RYR3: variants seen among roughly 807,000 people sequenced by gnomAD.
RYR3 encodes ryanodine receptor 3.
In RYR3, 207 loss-of-function variants were observed where a neutral mutation model predicts 584.3. The ratio of observed to expected loss-of-function variants is 0.35; its 90% confidence interval spans 0.32 to 0.40. The LOEUF (loss-of-function observed/expected upper bound fraction) is 0.40. RYR3 is among the 10% of genes least tolerant of loss of function. The pLI, the probability that RYR3 is intolerant of heterozygous loss-of-function variation, is 1.00. For missense variants in RYR3, 5,616 were observed against 6,089.2 expected, an observed-to-expected ratio of 0.92 and a Z score of 2.59; for synonymous variants, 2,416 against 2,248.5, an observed-to-expected ratio of 1.07 and a Z score of -2.11.
intron 1 of RYR3, among the ~76,000 whole-genome samples, chr15:33,455,863 A>G (rs1460847555): frequency 6.6e-6 from 1 of 152,216 alleles, no homozygotes; most frequent in African/African-American, 2.4e-5. Context: ...GGCAGGCTTA[A>G]GTGTATATGC....
intron 1 of RYR3, among the ~76,000 whole-genome samples, chr15:33,332,865 G>A (rs1406562828): frequency 6.6e-6 from 1 of 152,024 alleles, no homozygotes; most frequent in East Asian, 1.9e-4. Context: ...TTCTGTAGCA[G>A]AACAGATAAT....
At chr15:33,382,483 C>T (rs149918272) in intron 1 of RYR3, among the ~76,000 whole-genome samples, 171 of 151,912 alleles carry the variant, frequency 1.1e-3, no homozygotes, top group Middle Eastern at 3.4e-3. Context: ...GCCACCAGCC[C>T]GGCTAATTTT....
At chr15:33,453,438 A>G (rs1405526674) in intron 1 of RYR3, among the ~76,000 whole-genome samples, 1 of 152,164 alleles carries the variant, frequency 6.6e-6, no homozygotes, top group African/African-American at 2.4e-5. Flanking sequence ...AAAGGAAACA[A>G]CATTTGCTTC....
At chr15:33,676,532 G>C (rs2152732919) in intron 38 of RYR3, among the ~76,000 whole-genome samples, 1 of 152,330 alleles carries the variant, frequency 6.6e-6, no homozygotes, top group African/African-American at 2.4e-5. Context: ...AGGCATTAAA[G>C]AGAGCATTAT....
rs554604108 is a variant in RYR3, at chr15:33,696,559, T to C, written c.6134+68T>C. ...AAGTGGGAAAACTGACTTACCTTGA[T>C]ATAGAGATATAGTGGAATCAAATCA... On this transcript the variant is annotated intron_variant, in intron 39 of 103. Transcript: ENST00000634891. 16 of 1,441,658 alleles carry C rather than the reference T, an allele frequency of 1.1e-5. No individual in the cohort carries two copies. The East Asian group carries it at 3.6e-4, about 33-fold the overall frequency. The allele number at this position is 1,441,658 out of a possible 1,614,324, so 89.3% of individuals were successfully genotyped here. A position where few individuals can be genotyped will look rare whatever the true frequency, so the allele number is the denominator to read the frequency against.
intron 1 of RYR3, chr15:33,465,747 G>GT: frequency 1.9e-6 from 1 of 519,046 alleles, no homozygotes; most frequent in Non-Finnish European, 3.8e-6. Context: ...TGAGCTAGGT[G>GT]GTGGTGGTGA....
At chr15:33,653,540 C>T (rs1047619224) in intron 32 of RYR3, among the ~76,000 whole-genome samples, 38 of 151,936 alleles carry the variant, frequency 2.5e-4, no homozygotes, top group African/African-American at 8.0e-4. Flanking sequence ...CGTGGTGGCC[C>T]GCGCCTATAG....
intron 9 of RYR3, among the ~76,000 whole-genome samples, chr15:33,549,340 T>G (rs549054633): frequency 7.9e-5 from 12 of 152,376 alleles, no homozygotes; most frequent in African/African-American, 2.9e-4. Context: ...AAGCCTTTTA[T>G]CAATGCGATT....
chr15:33,331,217 T>A (rs768456683), intron 1 of RYR3, among the ~76,000 whole-genome samples: 1 of 152,196 alleles, frequency 6.6e-6, no homozygotes, highest in East Asian at 1.9e-4. Context: ...GAAAGAGTAA[T>A]CTTTTAAAAC....
intron 80 of RYR3, among the ~76,000 whole-genome samples, chr15:33,822,550 T>A (rs1011047134): frequency 6.6e-6 from 1 of 152,244 alleles, no homozygotes; most frequent in Non-Finnish European, 1.5e-5. Context: ...GTTTATTTTT[T>A]AAAAAACAAA....
At chr15:33,370,099 C>G (rs1258752126) in intron 1 of RYR3, among the ~76,000 whole-genome samples, 3 of 152,092 alleles carry the variant, frequency 2.0e-5, no homozygotes, top group Non-Finnish European at 4.4e-5. Context: ...CATCTTTTTC[C>G]CCCTGTAGGA....
In RYR3 at chr15:33,522,905, T is replaced by C. The variant is rs558397165; in HGVS notation, c.280-7687T>C. ...CAAAATCCTTCATTAACTATTAATA[T>C]CATTAAAGAAGAAAAAAATATCCGT... On this transcript the variant is annotated intron_variant, in intron 3 of 103. Transcript: ENST00000634891. Among the ~76,000 whole-genome samples, 4 of 152,230 alleles carry C rather than the reference T, an allele frequency of 2.6e-5. No homozygotes were observed. In the South Asian group the frequency reaches 8.3e-4, roughly 32 times the overall value.
In RYR3 at chr15:33,838,881, G is replaced by A. The variant is rs2078198050; in HGVS notation, c.12901G>A (p.Gly4301Ser). 2 of 1,613,806 alleles carry A rather than the reference G, an allele frequency of 1.2e-6. No homozygotes were observed. The highest frequency in any genetic ancestry group is 2.2e-5 in the South Asian group (2 of 91,074). ...AAAGCATGGGCCTGAAGTGGGTTTG[G>A]GTGACCTCTCAGAAATTATTGGCAA... ...SLKHGPEVGL[G>S]DLSEIIGKDE... Residue 4301 changes from glycine to serine, a missense_variant, in exon 89 of 104, where the codon GGT becomes AGT. Physicochemically the swap from Gly to Ser is moderately conservative, Grantham distance 56 (BLOSUM62 0). Around this residue, in one of 9 missense-constraint regions of RYR3, gnomAD observed 918 missense variants for 887.4 expected, o/e 1.03. Transcript: ENST00000634891.
chr15:33,727,648 G>A (rs1472953998), intron 46 of RYR3, among the ~76,000 whole-genome samples: 4 of 152,164 alleles, frequency 2.6e-5, no homozygotes, highest in African/African-American at 4.8e-5. Context: ...AGTCTGGAAG[G>A]CCCCTTCTCT....
intron 98 of RYR3, 33 bp from the exon 99 acceptor site, chr15:33,857,747 C>T (rs746601261): frequency 3.1e-6 from 5 of 1,613,158 alleles, no homozygotes; most frequent in South Asian, 2.2e-5. Context: ...GAAGACCCCA[C>T]TCCTTTTCCT....
chr15:33,717,894 GGTTT>G (rs1329990283), intron 43 of RYR3, among the ~76,000 whole-genome samples: 1 of 152,116 alleles, frequency 6.6e-6, no homozygotes, highest in Non-Finnish European at 1.5e-5. Flanking sequence ...AACAATTCCT[GGTTT>G]GTTCTCTGTG....
chr15:33,314,811 G>A (rs1967878866), intron 1 of RYR3, among the ~76,000 whole-genome samples: 1 of 152,206 alleles, frequency 6.6e-6, no homozygotes, highest in African/African-American at 2.4e-5. Flanking sequence ...CTGCTCGGGA[G>A]GCAGAGGCGG....
rs770664898 is a variant in RYR3 at position 33,579,955 on chromosome 15, T to C, written c.1269-21T>C. ...CTGCTGCTGGCCAGTGCCTAAACCA[T>C]GTCAATCTCATGGTTTTTAGCGGAA... On this transcript the variant is annotated intron_variant, in intron 12 of 103. Transcript: ENST00000634891. 2.7e-5 allele frequency: 43 copies of C among 1,598,306 alleles called. No homozygotes were observed. In the East Asian group the frequency reaches 8.8e-4, roughly 33 times the overall value.
At chr15:33,802,236 A>C in intron 69 of RYR3, 1 of 531,852 alleles carries the variant, frequency 1.9e-6, no homozygotes, top group Non-Finnish European at 3.5e-6. Flanking sequence ...CCAAAACAAA[A>C]GCTGCTGTTA....
Sources: allele counts gnomAD v4.1 joint callset (sites outside exome capture counted in the v4.1 genomes callset), GRCh38; gene constraint gnomAD v4.1.1; regional missense constraint gnomAD v4.1.1; transcripts MANE v1.5; gene names NCBI Gene and HGNC (gene_info 2026-07-23, HGNC 2026-07-21).